Variants in WDR70 observed in about 807,000 individuals in gnomAD.
WDR70 encodes WD repeat domain 70.
WDR70 carries 53 observed loss-of-function variants against 88.6 expected under a neutral mutation model. The ratio of observed to expected loss-of-function variants is 0.60; its 90% CI spans 0.48 to 0.75. The LOEUF (loss-of-function observed/expected upper bound fraction) is 0.75. Among genes scored for constraint, WDR70 ranks in the 30% least tolerant of loss-of-function variants. The probability of loss-of-function intolerance (pLI) is 0.00; values close to 1 mark genes in which losing one functional copy is unlikely to be tolerated. For missense variants in WDR70, 610 were observed against 823.2 expected, an observed-to-expected ratio of 0.74 and a Z score of 3.17; for synonymous variants, 280 against 270.0, an observed-to-expected ratio of 1.04 and a Z score of -0.36.
chr5:37,584,727 AG>A (rs1375768245), intron 9 of WDR70, among the ~76,000 whole-genome samples: 1 of 152,032 alleles, frequency 6.6e-6, no homozygotes, highest in Non-Finnish European at 1.5e-5. Context: ...AAGCACCTGC[AG>A]ATACCCAAGA....
rs183972579 is a variant in WDR70 at position 37,635,657 on chromosome 5, A to G, written c.1092+30419A>G. ...GTAAAATTAAACTGAAAAGGAAAAA[A>G]AATTGGAAATGGTTCATTTGTGTAG... On this transcript the variant is annotated intron_variant, in intron 10 of 17. Transcript: ENST00000265107. 2.8e-3 allele frequency among the ~76,000 whole-genome samples: 427 copies of G among 152,298 alleles called. 2 individuals carry two copies. Among genetic ancestry groups the G allele is most frequent in the Non-Finnish European group, 4.3e-3 (290 of 68,032 alleles).
intron 9 of WDR70, among the ~76,000 whole-genome samples, chr5:37,525,135 G>T (rs1445779638): frequency 6.6e-6 from 1 of 152,152 alleles, no homozygotes; most frequent in Admixed American, 6.5e-5. Flanking sequence ...GGACCTTATA[G>T]ACATCTACAG....
intron 8 of WDR70, among the ~76,000 whole-genome samples, chr5:37,485,485 T>TACAAAACAACCA (rs1356942642): frequency 2.0e-5 from 3 of 152,290 alleles, no homozygotes; most frequent in Non-Finnish European, 4.4e-5. Flanking sequence ...GTTTGTTGGT[T>TACAAAACAACCA]GTTTTGCCAC....
intron 3 of WDR70, among the ~76,000 whole-genome samples, chr5:37,385,250 T>G (rs1277664082): frequency 2.0e-5 from 3 of 151,962 alleles, no homozygotes; most frequent in Non-Finnish European, 4.4e-5. Flanking sequence ...CTGGGTGCAG[T>G]GGCTCACACC....
At chr5:37,588,729 AC>A (rs1417196147) in intron 9 of WDR70, among the ~76,000 whole-genome samples, 3 of 151,784 alleles carry the variant, frequency 2.0e-5, no homozygotes, top group Admixed American at 2.0e-4. Context: ...GGCATGCATT[AC>A]CACACCTGGC....
At chr5:37,696,488 G>A (rs1050161081) in intron 10 of WDR70, among the ~76,000 whole-genome samples, 14 of 152,186 alleles carry the variant, frequency 9.2e-5, no homozygotes, top group African/African-American at 3.4e-4. Flanking sequence ...TGCTACAAGA[G>A]CAATGGAGAT....
intron 17 of WDR70, among the ~76,000 whole-genome samples, chr5:37,735,575 G>A (rs1748282435): frequency 6.6e-6 from 1 of 152,072 alleles, no homozygotes; most frequent in Admixed American, 6.6e-5. Flanking sequence ...TCGTCACCTT[G>A]CATTTGTTGC....
At chr5:37,467,881 A>T (rs953445707) in intron 7 of WDR70, among the ~76,000 whole-genome samples, 9 of 151,878 alleles carry the variant, frequency 5.9e-5, no homozygotes, top group Non-Finnish European at 1.0e-4. Context: ...CGCCCAGCTA[A>T]TTTTTTGTAT....
At chr5:37,629,730 A>C (rs899124667) in intron 10 of WDR70, among the ~76,000 whole-genome samples, 3 of 152,004 alleles carry the variant, frequency 2.0e-5, no homozygotes, top group African/African-American at 7.2e-5. Flanking sequence ...TATCTCACTC[A>C]GTTTCCTTAA....
At chr5:37,441,876 G>A (rs181752068) in intron 6 of WDR70, among the ~76,000 whole-genome samples, 21 of 152,084 alleles carry the variant, frequency 1.4e-4, no homozygotes, top group Admixed American at 2.6e-4. Flanking sequence ...TATAGTAATC[G>A]CATTAAATAT....
At chr5:37,750,040 A>T (rs1342284542) in intron 17 of WDR70, among the ~76,000 whole-genome samples, 1 of 152,150 alleles carries the variant, frequency 6.6e-6, no homozygotes, top group Non-Finnish European at 1.5e-5. Flanking sequence ...TAAAATACAA[A>T]ATGTACCCAT....
At chr5:37,583,590 A>G (rs112483544) in intron 9 of WDR70, among the ~76,000 whole-genome samples, 14 of 116,036 alleles carry the variant, frequency 1.2e-4, no homozygotes, top group East Asian at 4.3e-4. Context: ...AGGATGATTG[A>G]CTATGACACG....
chr5:37,450,279 G>C (rs1581290879), intron 7 of WDR70, among the ~76,000 whole-genome samples: 1 of 152,060 alleles, frequency 6.6e-6, no homozygotes, highest in Non-Finnish European at 1.5e-5. Context: ...GGGATTGCTG[G>C]GTCAGATGGT....
At position 37,689,087 on chromosome 5, in the gene WDR70, C is replaced by T. The variant is rs561635478; in HGVS notation, c.1093-8568C>T. On this transcript the variant is annotated intron_variant, in intron 10 of 17. Coordinates refer to ENST00000265107, the MANE Select transcript of WDR70 (RefSeq NM_018034.4). The stretch of plus-strand genomic sequence containing the variant: ...CCCACACAGCCTTGCTCACTGCTAG[C>T]GCAGCAGTCTGAGATCGAACTTCAA... Among the ~76,000 whole-genome samples the T allele has an allele frequency of 4.1e-4, 62 of 152,158 alleles. 1 individual carries two copies. Among genetic ancestry groups the T allele is most frequent in the African/African-American group, 1.3e-3 (56 of 41,566 alleles).
At chr5:37,503,792 C>T (rs1048110780) in intron 8 of WDR70, among the ~76,000 whole-genome samples, 11 of 151,948 alleles carry the variant, frequency 7.2e-5, no homozygotes, top group Non-Finnish European at 1.0e-4. Context: ...ATTACTGATG[C>T]GTTCTCACTG....
chr5:37,680,664 C>T lies in WDR70; in HGVS notation c.1093-16991C>T, dbSNP rs1413282099. On this transcript the variant is annotated intron_variant, in intron 10 of 17. Coordinates refer to ENST00000265107, the MANE Select transcript of WDR70 (RefSeq NM_018034.4). ...TATTTATTAAATAGGGAATTCTTTACCCATTGCTTGTTTTTGTCAAGTTTG... is the reference window on the plus strand; with the variant it reads ...TATTTATTAAATAGGGAATTCTTTATCCATTGCTTGTTTTTGTCAAGTTTG... Among the ~76,000 whole-genome samples the T allele has an allele frequency of 2.0e-5, 3 of 152,294 alleles. No homozygotes were observed. The East Asian group carries it at 5.8e-4, about 29-fold the overall frequency.
At chr5:37,397,007 T>C (rs1421804058) in intron 5 of WDR70, among the ~76,000 whole-genome samples, 5 of 152,114 alleles carry the variant, frequency 3.3e-5, no homozygotes, top group African/African-American at 1.2e-4. Context: ...ACGGGTGTTA[T>C]GGTGCGCACC....
chr5:37,611,763 G>T, intron 10 of WDR70, among the ~76,000 whole-genome samples: 1 of 142,830 alleles, frequency 7.0e-6, no homozygotes, highest in African/African-American at 2.6e-5. Context: ...TTTCCTTTGA[G>T]ATTATTTTGA....
At chr5:37,624,551 G>T (rs950134246) in intron 10 of WDR70, among the ~76,000 whole-genome samples, 2 of 152,106 alleles carry the variant, frequency 1.3e-5, no homozygotes, top group Admixed American at 6.5e-5. Context: ...TTTGGATACC[G>T]TAGGGGATAA....
Sources: gnomAD v4.1 joint callset for allele counts (sites outside exome capture counted in the v4.1 genomes callset) on GRCh38, gnomAD v4.1.1 for gene constraint, MANE v1.5 for transcripts, NCBI Gene and HGNC (gene_info 2026-07-23, HGNC 2026-07-21) for gene names.